The following LZIC variants were observed in gnomAD, a reference collection of about 807,000 sequenced individuals.
LZIC encodes the protein leucine zipper and CTNNBIP1 domain containing.
A neutral mutation model predicts 25.4 loss-of-function variants in LZIC; 28 were observed. That is an observed-to-expected ratio of 1.10 (90% CI 0.82 to 1.51). The LOEUF is 1.51. Ranked by LOEUF, LZIC falls within the 40% of genes most tolerant of loss-of-function variation. The probability of loss-of-function intolerance (pLI) is 0.00; values close to 1 mark genes in which losing one functional copy is unlikely to be tolerated. For synonymous variants in LZIC, 65 were observed against 70.7 expected (o/e 0.92, Z 0.40); for missense variants, 170 against 211.1 (o/e 0.81, Z 1.21).
chr1:9,930,410 T>G lies in LZIC; in HGVS notation c.562A>C (p.Thr188Pro). The G allele has an allele frequency of 6.2e-7, 1 of 1,613,834 alleles. No individual in the cohort carries two copies. The highest frequency in any genetic ancestry group is 8.5e-7 in the Non-Finnish European group (1 of 1,179,818). ...GCTTCTGCACCATGTCATTTTTTTG[T>G]TTTTTCAACCTCAAAACTTGCCAGA... is the stretch of plus-strand genomic sequence containing the variant. ...LALASFEVEK[T>P]KK The change falls in exon 8 of 8, where the codon ACA (threonine) becomes CCA (proline). Residue 188 changes from threonine to proline, a missense_variant. By Grantham distance (38) the Thr-to-Pro change is conservative. Transcript: ENST00000377223.
At chr1:9,937,628 C>T (rs1275847952) in intron 2 of LZIC, among the ~76,000 whole-genome samples, 2 of 151,678 alleles carry the variant, frequency 1.3e-5, no homozygotes, top group African/African-American at 2.4e-5. Context: ...GGGAGGATTG[C>T]TTGAGCCCAG....
intron 2 of LZIC, among the ~76,000 whole-genome samples, chr1:9,941,458 A>T (rs192164732): frequency 6.7e-6 from 1 of 149,458 alleles, no homozygotes; most frequent in African/African-American, 2.5e-5. Context: ...GCCTCCCAAA[A>T]TGCTGGGATT....
At chr1:9,924,720 C>G (rs558799045), downstream of LZIC, among the ~76,000 whole-genome samples, 7 of 152,158 alleles carry the variant, frequency 4.6e-5, no homozygotes, top group Non-Finnish European at 8.8e-5. Context: ...TGTTTTCAAT[C>G]TGGCCTGGTT....
rs1640462394 is a variant in LZIC at position 9,936,462 on chromosome 1, GCTAGCTGCAGAAAAAACGC to G, written c.101+38_101+56del. 1.1e-5 allele frequency: 12 copies of G among 1,082,554 alleles called. No homozygotes were observed. The Admixed American group carries it at 1.9e-4, about 17-fold the overall frequency. The allele number at this position is 1,082,554 out of a possible 1,614,324, so 67.1% of individuals were successfully genotyped here. A position where few individuals can be genotyped will look rare whatever the true frequency, so the allele number is the denominator to read the frequency against. On this transcript the variant is annotated intron_variant, in intron 3 of 7. Coordinates refer to ENST00000377223, the MANE Select transcript of LZIC (RefSeq NM_032368.5). The stretch of plus-strand genomic sequence containing the variant: ...TCACACATGGGCCTGCATCCACGGA[GCTAGCTGCAGAAAAAACGC>G]CAGTTTCCAGCATAACAACATACAA...
intron 7 of LZIC, among the ~76,000 whole-genome samples, chr1:9,931,008 C>T (rs12066088): frequency 0.021 from 3,161 of 151,534 alleles, 128 homozygotes; most frequent in African/African-American, 0.07. Flanking sequence ...CTTGAGCCAC[C>T]GCACCTGGCC....
intron 6 of LZIC, 60 bp from the exon 7 acceptor site, chr1:9,932,032 C>A (rs1640235369): frequency 7.7e-7 from 1 of 1,305,224 alleles, no homozygotes; most frequent in African/African-American, 1.6e-5. Flanking sequence ...GTTCTAGAAA[C>A]CAGGTAAGAA....
chr1:9,929,128 T>A lies in LZIC; in HGVS notation c.*1271A>T. The A allele has an allele frequency of 4.9e-6, 1 of 203,822 alleles. No homozygotes were observed. The highest frequency in any genetic ancestry group is 8.7e-6 in the Non-Finnish European group (1 of 115,328). The allele number at this position is 203,822 out of a possible 1,614,324, so 12.6% of individuals were successfully genotyped here. ...GAGTAGTGATGGTTGCACACCACTGTAAATGTTCTGCCAACGAATGGTACA... is the reference window on the plus strand; with the variant it reads ...GAGTAGTGATGGTTGCACACCACTGAAAATGTTCTGCCAACGAATGGTACA... On this transcript the variant is annotated 3_prime_UTR_variant, in exon 8 of 8. Coordinates refer to ENST00000377223, the MANE Select transcript of LZIC (RefSeq NM_032368.5).
intron 6 of LZIC, 123 bp from the exon 7 acceptor site, chr1:9,932,095 G>A (rs1640238424): frequency 4.0e-6 from 1 of 249,984 alleles, no homozygotes; most frequent in Non-Finnish European, 7.3e-6. Flanking sequence ...TGCACTTTGG[G>A]AGGCGTGGGG....
In LZIC at chr1:9,936,693, T is replaced by C. The variant is rs951524667; in HGVS notation, c.-8-66A>G. The C allele has an allele frequency of 1.0e-5, 11 of 1,083,012 alleles. No homozygotes were observed. In the Admixed American group the frequency reaches 2.1e-4, roughly 20 times the overall value. The allele number at this position is 1,083,012 out of a possible 1,614,324, so 67.1% of individuals were successfully genotyped here. On this transcript the variant is annotated intron_variant, in intron 2 of 7. Coordinates refer to ENST00000377223, the MANE Select transcript of LZIC (RefSeq NM_032368.5). ...ATACCAGTGCAATTTTTTTAAGTTT[T>C]ATTTTTTGTAGAGACAGAGTCTCAC...
intron 5 of LZIC, 72 bp downstream of exon 5, chr1:9,934,690 T>C: frequency 7.6e-7 from 1 of 1,315,718 alleles, no homozygotes; most frequent in Non-Finnish European, 1.1e-6. Context: ...TTTTAAGCCA[T>C]AGGATATCAT....
At chr1:9,938,907 A>AG (rs1253263555) in intron 2 of LZIC, among the ~76,000 whole-genome samples, 13 of 152,188 alleles carry the variant, frequency 8.5e-5, no homozygotes, top group Admixed American at 8.5e-4. Context: ...GCTTTGAAGT[A>AG]GGGGTCTAAC....
rs1432598566 is a variant in LZIC at position 9,935,588 on chromosome 1, C to A, written c.141G>T (p.Lys47Asn). 2.5e-6 allele frequency: 4 copies of A among 1,610,948 alleles called. No homozygotes were observed. In the African/African-American group the frequency reaches 5.4e-5, roughly 22 times the overall value. ...ATTCACTTAGTTGCTCCAGAGTTTCCTTTTTGGTTTCTTCATATTCATCTG... is the reference window on the plus strand; with the variant it reads ...ATTCACTTAGTTGCTCCAGAGTTTCATTTTTGGTTTCTTCATATTCATCTG... ...LDTDEYEETK[K>N]ETLEQLSEFN... Residue 47 changes from lysine to asparagine, a missense_variant, in exon 4 of 8, where the codon AAG becomes AAT. Physicochemically the swap from Lys to Asn is moderately conservative, Grantham distance 94. Transcript: ENST00000377223.
At chr1:9,934,578 G>T (rs141367492) in intron 5 of LZIC, among the ~76,000 whole-genome samples, 184 bp downstream of exon 5, 25 of 152,286 alleles carry the variant, frequency 1.6e-4, no homozygotes, top group African/African-American at 6.0e-4. Flanking sequence ...TTAAACTGCC[G>T]TATATTGTTT....
chr1:9,941,787 G>A (rs1338743699), intron 2 of LZIC, among the ~76,000 whole-genome samples: 6 of 152,122 alleles, frequency 3.9e-5, no homozygotes, highest in African/African-American at 9.7e-5. Context: ...GTGAGCCACC[G>A]CACCCGGCCT....
At chr1:9,923,794 C>G (rs1169303964), downstream of LZIC, among the ~76,000 whole-genome samples, 1 of 151,758 alleles carries the variant, frequency 6.6e-6, no homozygotes, top group Non-Finnish European at 1.5e-5. Context: ...GCTCTGTCAC[C>G]CAGGCTGGAG....
intron 2 of LZIC, among the ~76,000 whole-genome samples, chr1:9,938,711 T>C (rs996557179): frequency 1.2e-4 from 18 of 152,240 alleles, no homozygotes; most frequent in Non-Finnish European, 1.2e-4. Flanking sequence ...TTTTATGTTT[T>C]TTTGTCATGG....
downstream of LZIC, among the ~76,000 whole-genome samples, chr1:9,923,285 T>G (rs565436615): frequency 1.6e-4 from 24 of 152,294 alleles, no homozygotes; most frequent in Non-Finnish European, 2.8e-4. Context: ...CTTGGCTCAC[T>G]GCAACCTCCG....
downstream of LZIC, among the ~76,000 whole-genome samples, chr1:9,923,634 T>C (rs574089275): frequency 2.7e-5 from 4 of 150,038 alleles, no homozygotes; most frequent in Non-Finnish European, 5.9e-5. Flanking sequence ...AAGTATAGTA[T>C]AGAATTTTTG....
intron 2 of LZIC, among the ~76,000 whole-genome samples, chr1:9,939,369 TTTTC>T (rs1165883373): frequency 1.3e-5 from 1 of 74,440 alleles, no homozygotes; most frequent in African/African-American, 3.2e-5. Context: ...GCTTTTTTTT[TTTTC>T]TTTTTTTTTT....
Sources: gnomAD v4.1 joint callset for allele counts (sites outside exome capture counted in the v4.1 genomes callset) on GRCh38, gnomAD v4.1.1 for gene constraint, MANE v1.5 for transcripts, NCBI Gene and HGNC (gene_info 2026-07-23, HGNC 2026-07-21) for gene names.